Variants in DCC observed in about 807,000 individuals in gnomAD.
The protein encoded by DCC is DCC netrin 1 receptor, also known as netrin receptor DCC.
A neutral mutation model predicts 172.5 loss-of-function variants in DCC; 58 were observed. The ratio of observed to expected loss-of-function variants is 0.34; its 90% confidence interval spans 0.27 to 0.42. The LOEUF (loss-of-function observed/expected upper bound fraction) is 0.42. Among genes scored for constraint, DCC ranks in the 10% least tolerant of loss-of-function variants. The probability of loss-of-function intolerance (pLI) is 1.00; values close to 1 mark genes in which losing one functional copy is unlikely to be tolerated. For missense variants in DCC, 1,740 were observed against 1,791.0 expected, an observed-to-expected ratio of 0.97 and a Z score of 0.51; for synonymous variants, 709 against 644.5, an observed-to-expected ratio of 1.10 and a Z score of -1.52.
At chr18:52,441,554 C>T (rs1987969883) in intron 1 of DCC, among the ~76,000 whole-genome samples, 1 of 152,142 alleles carries the variant, frequency 6.6e-6, no homozygotes, top group Admixed American at 6.5e-5. Context: ...TGCCTTTTCT[C>T]TCCTATTCAA....
At chr18:52,979,188 A>T (rs1292557969) in intron 5 of DCC, among the ~76,000 whole-genome samples, 1 of 152,214 alleles carries the variant, frequency 6.6e-6, no homozygotes. Context: ...TCTGTTAAAA[A>T]ATAGCCAAGA....
Position 53,409,329 on chromosome 18 carries a change from G to A in DCC, c.2936-1123G>A, listed in dbSNP as rs147866396. On this transcript the variant is annotated intron_variant, in intron 19 of 28. Coordinates refer to ENST00000442544, the MANE Select transcript of DCC (RefSeq NM_005215.4). ...TCCCCAGTCCAGCTGGGACAAGAGGGACTCAAAAGGAAAGAATAGGTAAAT... is the reference window on the plus strand; with the variant it reads ...TCCCCAGTCCAGCTGGGACAAGAGGAACTCAAAAGGAAAGAATAGGTAAAT... Among the ~76,000 whole-genome samples the A allele has an allele frequency of 1.1e-4, 17 of 152,228 alleles. No individual in the cohort carries two copies. The East Asian group carries it at 1.7e-3, about 16-fold the overall frequency.
intron 5 of DCC, among the ~76,000 whole-genome samples, chr18:52,947,098 A>G (rs901649790): frequency 1.3e-4 from 20 of 152,148 alleles, no homozygotes; most frequent in African/African-American, 4.8e-4. Flanking sequence ...TCTTGCTTGT[A>G]TCTTGAGTCT....
rs1284346533 is a variant in DCC, at chr18:52,837,280, G to A, written c.413-68764G>A. On this transcript the variant is annotated intron_variant, in intron 2 of 28. Transcript: ENST00000442544. ...GTTGATGATTAACATTCAGCTCCTT[G>A]TTACTTAGGCAAATTTCCATGGCTG... Among the ~76,000 whole-genome samples, 8 of 152,320 alleles carry A rather than the reference G, an allele frequency of 5.3e-5. No homozygotes were observed. In the East Asian group the frequency reaches 1.4e-3, roughly 26 times the overall value.
intron 5 of DCC, among the ~76,000 whole-genome samples, chr18:53,015,450 A>C (rs2041794905): frequency 6.6e-6 from 1 of 152,150 alleles, no homozygotes; most frequent in African/African-American, 2.4e-5. Flanking sequence ...TTTCTGATGT[A>C]GACTAACCTT....
At chr18:52,738,973 C>G (rs1382486224) in intron 1 of DCC, among the ~76,000 whole-genome samples, 3 of 151,592 alleles carry the variant, frequency 2.0e-5, no homozygotes, top group Non-Finnish European at 4.4e-5. Flanking sequence ...GTCTTAAACT[C>G]CTGATCTCAA....
intron 2 of DCC, among the ~76,000 whole-genome samples, chr18:52,761,123 G>A (rs1049233943): frequency 5.3e-5 from 8 of 152,196 alleles, no homozygotes; most frequent in African/African-American, 1.9e-4. Flanking sequence ...CATGGCTGGG[G>A]AGGCCTCACA....
intron 5 of DCC, among the ~76,000 whole-genome samples, chr18:52,984,194 T>C (rs2041256363): frequency 6.7e-6 from 1 of 149,712 alleles, no homozygotes; most frequent in Non-Finnish European, 1.5e-5. Flanking sequence ...AGACATAATC[T>C]ATCTGTTAAA....
At chr18:52,797,191 T>C (rs892669432) in intron 2 of DCC, among the ~76,000 whole-genome samples, 3 of 152,194 alleles carry the variant, frequency 2.0e-5, no homozygotes, top group African/African-American at 4.8e-5. Context: ...TTTGTATTGT[T>C]GGTGTTTTCT....
At chr18:53,049,046 T>G (rs2042298355) in intron 5 of DCC, among the ~76,000 whole-genome samples, 1 of 152,042 alleles carries the variant, frequency 6.6e-6, no homozygotes, top group Non-Finnish European at 1.5e-5. Flanking sequence ...GTATTTTTTT[T>G]GTAAATTTAA....
intron 2 of DCC, among the ~76,000 whole-genome samples, chr18:52,804,326 C>A (rs2038047967): frequency 6.6e-6 from 1 of 151,922 alleles, no homozygotes; most frequent in African/African-American, 2.4e-5. Flanking sequence ...AATATCATAC[C>A]ATTTGTAAAT....
At chr18:52,708,581 C>A (rs2036247820) in intron 1 of DCC, among the ~76,000 whole-genome samples, 1 of 152,066 alleles carries the variant, frequency 6.6e-6, no homozygotes, top group African/African-American at 2.4e-5. Flanking sequence ...TCCTGCAGGG[C>A]AACTGGGGAA....
chr18:52,345,790 G>A (rs1235713051), intron 1 of DCC, among the ~76,000 whole-genome samples: 1 of 151,352 alleles, frequency 6.6e-6, no homozygotes, highest in Non-Finnish European at 1.5e-5. Context: ...GCTTTTGGTG[G>A]AGAGTTAAAC....
At chr18:52,591,608 A>G (rs924527370) in intron 1 of DCC, among the ~76,000 whole-genome samples, 2 of 151,994 alleles carry the variant, frequency 1.3e-5, no homozygotes, top group South Asian at 4.1e-4. Flanking sequence ...GCCAAATTAC[A>G]CTGTTCAAAT....
chr18:52,663,446 G>A (rs935373644), intron 1 of DCC, among the ~76,000 whole-genome samples: 1 of 152,112 alleles, frequency 6.6e-6, no homozygotes, highest in African/African-American at 2.4e-5. Context: ...GAGGAGTGTT[G>A]TACTGCTAAG....
chr18:53,301,172 C>A (rs2057136551), intron 12 of DCC, among the ~76,000 whole-genome samples: 1 of 150,084 alleles, frequency 6.7e-6, no homozygotes, highest in Admixed American at 6.7e-5. Flanking sequence ...TCACTGCAAC[C>A]TCCACCTTCC....
intron 12 of DCC, among the ~76,000 whole-genome samples, chr18:53,282,691 TA>T: frequency 6.6e-6 from 1 of 152,282 alleles, no homozygotes; most frequent in Admixed American, 6.5e-5. Context: ...GGACAATTTT[TA>T]AAAAGATTCA....
At chr18:53,364,752 T>A (rs1186489972) in intron 15 of DCC, among the ~76,000 whole-genome samples, 1 of 152,150 alleles carries the variant, frequency 6.6e-6, no homozygotes, top group Admixed American at 6.6e-5. Context: ...GCTTTCCACA[T>A]ACATTATTTC....
At chr18:52,647,685 G>A (rs72919048) in intron 1 of DCC, among the ~76,000 whole-genome samples, 9,225 of 152,246 alleles carry the variant, frequency 0.061, 384 homozygotes, top group East Asian at 0.17. Flanking sequence ...ATCAATTAAA[G>A]ACTCTCCTGT....
Sources: allele counts gnomAD v4.1 joint callset (sites outside exome capture counted in the v4.1 genomes callset), GRCh38; gene constraint gnomAD v4.1.1; transcripts MANE v1.5; gene names NCBI Gene and HGNC (gene_info 2026-07-23, HGNC 2026-07-21).